Variants in CA12 observed in about 807,000 individuals in gnomAD.
CA12 encodes carbonate dehydratase XII.
A neutral mutation model predicts 46.8 loss-of-function variants in CA12; 36 were observed. The observed-to-expected ratio is 0.77, with a 90% CI of 0.59 to 1.02. The LOEUF is 1.02. Among genes scored for constraint, CA12 ranks in the 50% least tolerant of loss-of-function variants. CA12 has a pLI of 0.00. For missense variants in CA12, 436 were observed against 451.4 expected (o/e 0.97, Z 0.31); for synonymous variants, 202 against 187.0 (o/e 1.08, Z -0.65).
rs2038798129 is a variant in CA12 at position 63,322,099 on chromosome 15, A to G, written c.*4186T>C. The stretch of plus-strand genomic sequence containing the variant: ...CTGAGAAACGCTACTTTATTTTAAT[A>G]AGTTTACATCTAAAAGCCGATCATT... On this transcript the variant is annotated 3_prime_UTR_variant, in exon 11 of 11. Coordinates refer to ENST00000178638, the MANE Select transcript of CA12 (RefSeq NM_001218.5). This position sits in a 1 kb window ranked among gnomAD's most constrained non-coding sequence, Gnocchi z 4.1. 6.6e-6 allele frequency: 1 copy of G among 152,240 alleles called. No individual in the cohort carries two copies. Among genetic ancestry groups the G allele is most frequent in the African/African-American group, 2.4e-5 (1 of 41,462 alleles). 9.4% of individuals were successfully genotyped at this position (152,240 alleles called of 1,614,324 possible). A position where few individuals can be genotyped will look rare whatever the true frequency, so the allele number is the denominator to read the frequency against.
Position 63,345,517 on chromosome 15 carries a change from C to T in CA12, c.389G>A (p.Gly130Asp). The T allele has an allele frequency of 6.2e-7, 1 of 1,612,026 alleles. No individual in the cohort carries two copies. Among genetic ancestry groups the T allele is most frequent in the Admixed American group, 1.7e-5 (1 of 60,024 alleles). The part of the protein sequence containing the change: ...LHWGNPNDPH[G>D]SEHTVSGQHF... ...CTGTCCGCTGACGGTGTGCTCAGAG[C>T]CGTGCGGGTCATTCGGGTTCCCCCA... The change falls in exon 4 of 11, where the codon GGC (glycine) becomes GAC (aspartate). Residue 130 changes from glycine to aspartate, a missense_variant. Coordinates refer to ENST00000178638, the MANE Select transcript of CA12 (RefSeq NM_001218.5). This position sits in a 1 kb window ranked among gnomAD's most constrained non-coding sequence, Gnocchi z 4.3.
In CA12 at chr15:63,323,876, CT is replaced by C. The variant is rs1332473358; in HGVS notation, c.*2408del. The C allele has an allele frequency of 6.6e-6, 1 of 152,256 alleles. No homozygotes were observed. Among genetic ancestry groups the C allele is most frequent in the Admixed American group, 6.5e-5 (1 of 15,290 alleles). The allele number at this position is 152,256 out of a possible 1,614,324, so 9.4% of individuals were successfully genotyped here. A position where few individuals can be genotyped will look rare whatever the true frequency, so the allele number is the denominator to read the frequency against. ...CAGAACAAAGAAAGAGATTCAAGATCTCACATGAGTGAGAATCCAGGGCCTT... is the reference window on the plus strand; with the variant it reads ...CAGAACAAAGAAAGAGATTCAAGATCCACATGAGTGAGAATCCAGGGCCTT... On this transcript the variant is annotated 3_prime_UTR_variant, in exon 11 of 11. Transcript: ENST00000178638. This position sits in a 1 kb window ranked among gnomAD's most constrained non-coding sequence, Gnocchi z 5.1.
intron 2 of CA12, among the ~76,000 whole-genome samples, chr15:63,364,125 T>TG (rs1484267820): frequency 2.0e-5 from 3 of 151,512 alleles, no homozygotes; most frequent in Non-Finnish European, 4.4e-5. Flanking sequence ...AGGCGGAGGT[T>TG]GCAGTGAGCA....
At chr15:63,376,559 T>TTTCTTTCTTTC (rs1263961276) in intron 1 of CA12, among the ~76,000 whole-genome samples, 45 of 101,208 alleles carry the variant, frequency 4.4e-4, no homozygotes, top group Non-Finnish European at 4.1e-5. Context: ...CTTTCTTTCC[T>TTTCTTTCTTTC]TTCTTTCTTT....
At chr15:63,337,227 G>T (rs1412630312) in intron 8 of CA12, among the ~76,000 whole-genome samples, 1 of 152,166 alleles carries the variant, frequency 6.6e-6, no homozygotes, top group Non-Finnish European at 1.5e-5. Context: ...ACAAATTCTT[G>T]GGCAGTTCTT....
rs375480906 is a variant in CA12, at chr15:63,340,713, C to G, written c.589+7G>C. The G allele has an allele frequency of 1.9e-6, 3 of 1,613,548 alleles. No individual in the cohort carries two copies. The highest frequency in any genetic ancestry group is 1.7e-5 in the Admixed American group (1 of 60,026). On this transcript the variant is annotated splice_region_variant and intron_variant, in intron 6 of 10. Coordinates refer to ENST00000178638, the MANE Select transcript of CA12 (RefSeq NM_001218.5). This position sits in a 1 kb window ranked among gnomAD's most constrained non-coding sequence, Gnocchi z 4.4. ...AGAGAGTGAATATGCATGCAAGGAC[C>G]CCTCACCTTTGTACTTTACATGTTG...
At position 63,373,615 on chromosome 15, in the gene CA12, G is replaced by A. The variant is rs573523265; in HGVS notation, c.106+2043C>T. ...TGCAGCTAAGAATCACTTGGGGAGT[G>A]CGTTAAGAATACAGGTTTTTCAGGC... On this transcript the variant is annotated intron_variant, in intron 2 of 10. Coordinates refer to ENST00000178638, the MANE Select transcript of CA12 (RefSeq NM_001218.5). This position sits in a 1 kb window ranked among gnomAD's most constrained non-coding sequence, Gnocchi z 4.9. Among the ~76,000 whole-genome samples, 1 of 152,290 alleles carries A rather than the reference G, an allele frequency of 6.6e-6. No homozygotes were observed. The highest frequency in any genetic ancestry group is 2.1e-4 in the South Asian group (1 of 4,826).
chr15:63,350,333 C>A (rs529766993), intron 2 of CA12, among the ~76,000 whole-genome samples: 1 of 152,328 alleles, frequency 6.6e-6, no homozygotes, highest in Admixed American at 6.5e-5. Context: ...ACACCCTGGG[C>A]TACCATTTTC....
intron 2 of CA12, among the ~76,000 whole-genome samples, chr15:63,364,905 C>G (rs990753929): frequency 4.6e-5 from 7 of 152,232 alleles, no homozygotes; most frequent in African/African-American, 1.7e-4. Flanking sequence ...ACAGCAATGA[C>G]TGGATTCTAT....
chr15:63,375,642 T>TA lies in CA12; in HGVS notation c.106+15dup. The TA allele has an allele frequency of 1.3e-6, 2 of 1,510,072 alleles. No homozygotes were observed. The highest frequency in any genetic ancestry group is 1.8e-6 in the Non-Finnish European group (2 of 1,089,650). The allele number at this position is 1,510,072 out of a possible 1,614,324, so 93.5% of individuals were successfully genotyped here. On this transcript the variant is annotated intron_variant, in intron 2 of 10. Coordinates refer to ENST00000178638, the MANE Select transcript of CA12 (RefSeq NM_001218.5). ...ATTTTCTTTTCAACAAAAAAGTATT[T>TA]AAAATCTCTACTTACCAAAATAAGT...
In CA12 at chr15:63,330,789, G is replaced by T. The variant is rs1311908084; in HGVS notation, c.875-2659C>A. Among the ~76,000 whole-genome samples the T allele has an allele frequency of 6.6e-6, 1 of 152,220 alleles. No individual in the cohort carries two copies. Among genetic ancestry groups the T allele is most frequent in the Admixed American group, 6.5e-5 (1 of 15,288 alleles). ...GGGGTTCCTGTTGGAGGTCCTGTAA[G>T]CAACAGCATAGTTGAACCCAGTGCT... On this transcript the variant is annotated intron_variant, in intron 8 of 10. Transcript: ENST00000178638. The surrounding 1 kb of genome is among the most constrained non-coding windows in gnomAD (Gnocchi z 4.0).
In CA12 at chr15:63,355,476, G is replaced by C. The variant is rs960822181; in HGVS notation, c.107-8767C>G. Among the ~76,000 whole-genome samples the C allele has an allele frequency of 6.6e-6, 1 of 152,150 alleles. No individual in the cohort carries two copies. The highest frequency in any genetic ancestry group is 1.5e-5 in the Non-Finnish European group (1 of 68,030). ...GGCCCCACCCCAGGCCTACCGAACC[G>C]GACACTCTGGGGGTGGCGCCCAGCA... On this transcript the variant is annotated intron_variant, in intron 2 of 10. Transcript: ENST00000178638. The surrounding 1 kb of genome is among the most constrained non-coding windows in gnomAD (Gnocchi z 4.1).
intron 2 of CA12, among the ~76,000 whole-genome samples, chr15:63,369,809 C>T (rs755964293): frequency 2.0e-5 from 3 of 152,198 alleles, no homozygotes; most frequent in Non-Finnish European, 2.9e-5. Context: ...GCTTCTTCCT[C>T]CTGGTTTTCT....
chr15:63,347,026 G>A (rs961274346), intron 2 of CA12, among the ~76,000 whole-genome samples: 1 of 152,202 alleles, frequency 6.6e-6, no homozygotes, highest in Non-Finnish European at 1.5e-5. Flanking sequence ...CAGCAATTCA[G>A]CATCTGCTTA....
At chr15:63,363,670 G>A (rs903315608) in intron 2 of CA12, among the ~76,000 whole-genome samples, 1 of 152,226 alleles carries the variant, frequency 6.6e-6, no homozygotes, top group African/African-American at 2.4e-5. Flanking sequence ...AGCCTTTGCA[G>A]GAAAGCCAAC....
intron 8 of CA12, among the ~76,000 whole-genome samples, chr15:63,335,170 C>T (rs1049357996): frequency 6.6e-6 from 1 of 152,116 alleles, no homozygotes; most frequent in African/African-American, 2.4e-5. Flanking sequence ...GGGTAGAGAC[C>T]AACGGTGCTG....
chr15:63,354,971 C>T lies in CA12; in HGVS notation c.107-8262G>A, dbSNP rs1329371526. 3.3e-5 allele frequency among the ~76,000 whole-genome samples: 5 copies of T among 152,294 alleles called. No homozygotes were observed. The South Asian group carries it at 1.0e-3, about 32-fold the overall frequency. ...TGGTGTCAAGGCCTGCATCAGGTTC[C>T]TTCTGGAGATGAGGTTTATTACAGG... is the stretch of plus-strand genomic sequence containing the variant. On this transcript the variant is annotated intron_variant, in intron 2 of 10. Coordinates refer to ENST00000178638, the MANE Select transcript of CA12 (RefSeq NM_001218.5).
At position 63,340,536 on chromosome 15, in the gene CA12, A is replaced by G; in HGVS notation, c.590-91T>C. On this transcript the variant is annotated intron_variant, in intron 6 of 10. Coordinates refer to ENST00000178638, the MANE Select transcript of CA12 (RefSeq NM_001218.5). The surrounding 1 kb of genome is among the most constrained non-coding windows in gnomAD (Gnocchi z 4.4). ...CAGAGCGACTGAGCCTAGAAACATG[A>G]ACTAGCCCCTTTCAGGGTCATCTAA... is the stretch of plus-strand genomic sequence containing the variant. 6.5e-7 allele frequency: 1 copy of G among 1,550,078 alleles called. No individual in the cohort carries two copies.
At chr15:63,377,486 TA>T (rs35858118) in intron 1 of CA12, among the ~76,000 whole-genome samples, 40,251 of 151,656 alleles carry the variant, frequency 0.27, 7,272 homozygotes, top group African/African-American at 0.51. Flanking sequence ...GCTTTTTTTT[TA>T]AAAAAAAGCC....
Sources: allele counts gnomAD v4.1 joint callset (sites outside exome capture counted in the v4.1 genomes callset), GRCh38; gene constraint gnomAD v4.1.1; non-coding constraint Gnocchi (gnomAD v3.1); transcripts MANE v1.5; gene names NCBI Gene and HGNC (gene_info 2026-07-23, HGNC 2026-07-21).